The following INPP4B variants were observed in gnomAD, a reference collection of about 807,000 sequenced individuals.
INPP4B encodes the protein inositol polyphosphate 4-phosphatase type II.
A neutral mutation model predicts 122.5 loss-of-function variants in INPP4B; 55 were observed. That is an observed-to-expected ratio of 0.45 (90% confidence interval 0.36 to 0.56). The LOEUF (loss-of-function observed/expected upper bound fraction) is 0.56, where lower values mean the gene tolerates loss of function less well. Among genes scored for constraint, INPP4B ranks in the 20% least tolerant of loss-of-function variants. The pLI, the probability that INPP4B is intolerant of heterozygous loss-of-function variation, is 0.00. For synonymous variants in INPP4B, 403 were observed against 388.7 expected (o/e 1.04, Z -0.43); for missense variants, 1,000 against 1,097.7 (o/e 0.91, Z 1.26).
At chr4:142,519,979 G>T (rs1368731593) in intron 2 of INPP4B, among the ~76,000 whole-genome samples, 1 of 151,926 alleles carries the variant, frequency 6.6e-6, no homozygotes, top group East Asian at 1.9e-4. Context: ...TGAAAACACA[G>T]ATTATTTTAT....
chr4:142,662,232 C>CAA (rs113881988), intron 2 of INPP4B, among the ~76,000 whole-genome samples: 45 of 125,928 alleles, frequency 3.6e-4, no homozygotes, highest in African/African-American at 8.6e-4. Context: ...GAGACTGCCT[C>CAA]AAAAAAAAAA....
intron 1 of INPP4B, among the ~76,000 whole-genome samples, chr4:142,797,363 T>C (rs1051091086): frequency 1.3e-5 from 2 of 151,718 alleles, no homozygotes; most frequent in African/African-American, 4.8e-5. Context: ...ATAATAAGAT[T>C]GCAAAAAAAG....
At chr4:142,127,466 CA>C (rs1407891857) in intron 18 of INPP4B, among the ~76,000 whole-genome samples, 6 of 142,958 alleles carry the variant, frequency 4.2e-5, no homozygotes, top group Non-Finnish European at 8.0e-5. Context: ...AATCAGATGA[CA>C]AAAAAAACAA....
chr4:142,839,852 C>T (rs546594458), intron 1 of INPP4B, among the ~76,000 whole-genome samples: 1 of 152,228 alleles, frequency 6.6e-6, no homozygotes, highest in East Asian at 1.9e-4. Flanking sequence ...CTTAATTATG[C>T]CAATTTGGGT....
intron 25 of INPP4B, among the ~76,000 whole-genome samples, chr4:142,071,449 C>G (rs1230075846): frequency 1.3e-5 from 2 of 152,132 alleles, no homozygotes; most frequent in Non-Finnish European, 2.9e-5. Flanking sequence ...GTCTAAAACA[C>G]CAAAAGCAAT....
chr4:142,186,462 T>C (rs1014113264), intron 15 of INPP4B, among the ~76,000 whole-genome samples: 58 of 152,322 alleles, frequency 3.8e-4, no homozygotes, highest in African/African-American at 1.3e-3. Flanking sequence ...TGTTCCAGAA[T>C]GGAGGACAGA....
intron 22 of INPP4B, among the ~76,000 whole-genome samples, chr4:142,111,291 C>T (rs1207176559): frequency 1.3e-5 from 2 of 152,064 alleles, no homozygotes; most frequent in Admixed American, 6.6e-5. Context: ...TCAGCCCCTA[C>T]AGCCAAGATG....
At chr4:142,322,111 C>A (rs781613546) in intron 7 of INPP4B, among the ~76,000 whole-genome samples, 127 of 152,078 alleles carry the variant, frequency 8.4e-4, no homozygotes, top group Non-Finnish European at 1.4e-3. Flanking sequence ...AAGAGTCAAA[C>A]ATCTAATAAT....
chr4:142,518,757 C>T (rs1297787780), intron 2 of INPP4B: 6 of 152,214 alleles, frequency 3.9e-5, no homozygotes, highest in Admixed American at 2.0e-4. Context: ...GAATGGCCCA[C>T]ATGATGAGAA....
At chr4:142,835,112 G>C (rs745851246) in intron 1 of INPP4B, among the ~76,000 whole-genome samples, 1 of 152,152 alleles carries the variant, frequency 6.6e-6, no homozygotes, top group Non-Finnish European at 1.5e-5. Flanking sequence ...CATTCCCAAA[G>C]CTTATAGCTC....
At chr4:142,405,151 G>T in intron 6 of INPP4B, 55 bp downstream of exon 6, 1 of 1,017,860 alleles carries the variant, frequency 9.8e-7, no homozygotes, top group Non-Finnish European at 1.5e-6. Flanking sequence ...AAGAGCGAGC[G>T]AGCCAGCAAG....
chr4:142,551,741 G>A (rs1317190296), intron 2 of INPP4B, among the ~76,000 whole-genome samples: 3 of 152,168 alleles, frequency 2.0e-5, no homozygotes, highest in Non-Finnish European at 4.4e-5. Flanking sequence ...AGTGGAAGCA[G>A]AAGCTCAGAG....
chr4:142,227,841 G>A (rs770383316), intron 12 of INPP4B, among the ~76,000 whole-genome samples: 3 of 110,406 alleles, frequency 2.7e-5, no homozygotes, highest in Non-Finnish European at 3.4e-5. Flanking sequence ...CTGGGCAACA[G>A]AGGGAGACTC....
Position 142,214,473 on chromosome 4 carries a change from G to T in INPP4B, c.837-5447C>A, listed in dbSNP as rs563544941. Among the ~76,000 whole-genome samples the T allele has an allele frequency of 4.6e-5, 7 of 152,328 alleles. No individual in the cohort carries two copies. In the South Asian group the frequency reaches 1.0e-3, roughly 23 times the overall value. ...CAATGTTTTAACATACATTTATAAAGGGGTTGATTAGCGGCTGGTTAAGCA... is the reference window on the plus strand; with the variant it reads ...CAATGTTTTAACATACATTTATAAATGGGTTGATTAGCGGCTGGTTAAGCA... On this transcript the variant is annotated intron_variant, in intron 12 of 25. Coordinates refer to ENST00000262992, the MANE Select transcript of INPP4B (RefSeq NM_001101669.3).
intron 2 of INPP4B, chr4:142,514,742 G>A (rs1351325603): frequency 6.6e-6 from 1 of 150,660 alleles, no homozygotes; most frequent in Admixed American, 6.6e-5. Context: ...TTAATAGTAA[G>A]AGTGAGAAAG....
At chr4:142,359,264 A>T (rs977619) in intron 7 of INPP4B, among the ~76,000 whole-genome samples, 109,290 of 151,698 alleles carry the variant, frequency 0.72, 40,117 homozygotes, top group East Asian at 0.86. Flanking sequence ...ACGGCCTTGG[A>T]AAATCCAGGC....
chr4:142,530,252 T>C (rs1417661070), intron 2 of INPP4B, among the ~76,000 whole-genome samples: 1 of 152,072 alleles, frequency 6.6e-6, no homozygotes, highest in Non-Finnish European at 1.5e-5. Flanking sequence ...CTAAACTCAG[T>C]GTGTCAGCAT....
intron 1 of INPP4B, among the ~76,000 whole-genome samples, chr4:142,734,552 C>A (rs922583758): frequency 6.6e-6 from 1 of 152,124 alleles, no homozygotes; most frequent in Non-Finnish European, 1.5e-5. Context: ...TTAAGATTTG[C>A]TCACTTTTCC....
At chr4:142,113,954 G>A (rs1392389071) in intron 21 of INPP4B, among the ~76,000 whole-genome samples, 1 of 151,904 alleles carries the variant, frequency 6.6e-6, no homozygotes, top group African/African-American at 2.4e-5. Flanking sequence ...CCTGTTTATA[G>A]TCAGCTATAC....
Sources: gnomAD v4.1 joint callset for allele counts (sites outside exome capture counted in the v4.1 genomes callset) on GRCh38, gnomAD v4.1.1 for gene constraint, MANE v1.5 for transcripts, NCBI Gene and HGNC (gene_info 2026-07-23, HGNC 2026-07-21) for gene names.